PPARG: variants seen among roughly 807,000 people sequenced by gnomAD.
PPARG encodes the protein peroxisome proliferator activated receptor gamma, also known as peroxisome proliferator-activated receptor gamma.
Under a neutral mutation model 39.2 loss-of-function variants are expected in PPARG, and 17 were observed. The observed-to-expected ratio is 0.43, with a 90% CI of 0.30 to 0.65. PPARG has a LOEUF of 0.65. Ranked by LOEUF, PPARG falls within the 30% of genes least tolerant of loss-of-function variation. The pLI is 0.13. For synonymous variants in PPARG, 223 were observed against 215.7 expected, an observed-to-expected ratio of 1.03 and a Z score of -0.30; for missense variants, 406 against 585.9, an observed-to-expected ratio of 0.69 and a Z score of 3.17.
chr3:12,291,097 C>T (rs1231882426), intron 1 of PPARG, among the ~76,000 whole-genome samples: 2 of 152,086 alleles, frequency 1.3e-5, no homozygotes, highest in Non-Finnish European at 2.9e-5. Flanking sequence ...TCATAGGATT[C>T]CACTAAATAA....
At chr3:12,413,874 T>G (rs1266088029) in intron 6 of PPARG, among the ~76,000 whole-genome samples, 1 of 151,424 alleles carries the variant, frequency 6.6e-6, no homozygotes, top group Non-Finnish European at 1.5e-5. Flanking sequence ...TGCTGATTCC[T>G]CTCTCTGTCC....
Position 12,381,228 on chromosome 3 carries a change from T to C in PPARG, c.221-94T>C, listed in dbSNP as rs907234412. The C allele has an allele frequency of 8.3e-6, 10 of 1,211,250 alleles. No homozygotes were observed. The African/African-American group carries it at 1.2e-4, about 15-fold the overall frequency. 75.0% of individuals were successfully genotyped at this position (1,211,250 alleles called of 1,614,324 possible). A position where few individuals can be genotyped will look rare whatever the true frequency, so the allele number is the denominator to read the frequency against. ...TGCTTTTACACTGAAACAATACAAA[T>C]ACAGCATGAAGGTGTACTATGGTGG... On this transcript the variant is annotated intron_variant, in intron 3 of 7. Coordinates refer to ENST00000651735, the MANE Select transcript of PPARG (RefSeq NM_138711.6).
At chr3:12,430,816 G>T (rs190365122) in intron 7 of PPARG, among the ~76,000 whole-genome samples, 199 of 152,272 alleles carry the variant, frequency 1.3e-3, no homozygotes, top group Middle Eastern at 6.8e-3. Context: ...TCAATAAGAA[G>T]AGTGAAGGGA....
intron 2 of PPARG, among the ~76,000 whole-genome samples, chr3:12,336,733 C>A (rs1046993537): frequency 6.6e-6 from 1 of 152,058 alleles, no homozygotes; most frequent in African/African-American, 2.4e-5. Context: ...TTATGAGCAA[C>A]TGATTATTTA....
intron 4 of PPARG, among the ~76,000 whole-genome samples, chr3:12,384,321 A>T (rs1369852077): frequency 6.6e-6 from 1 of 152,146 alleles, no homozygotes; most frequent in Non-Finnish European, 1.5e-5. Flanking sequence ...ATAAATATTT[A>T]CCTTATAAAA....
At chr3:12,344,986 A>G (rs2048286205) in intron 2 of PPARG, 1 of 152,198 alleles carries the variant, frequency 6.6e-6, no homozygotes, top group Non-Finnish European at 1.5e-5. Context: ...TTGAAACCCT[A>G]TTCAATAGTT....
At chr3:12,318,490 G>C (rs2047448884) in intron 2 of PPARG, among the ~76,000 whole-genome samples, 1 of 152,062 alleles carries the variant, frequency 6.6e-6, no homozygotes, top group South Asian at 2.1e-4. Flanking sequence ...TAAATTTGTG[G>C]TTTGAATATT....
intron 4 of PPARG, among the ~76,000 whole-genome samples, chr3:12,387,893 A>G (rs1055111380): frequency 6.7e-6 from 1 of 149,762 alleles, no homozygotes; most frequent in African/African-American, 2.5e-5. Context: ...TTAATTTTGT[A>G]TATGGTGTAA....
At chr3:12,352,067 T>G (rs1243520651) in intron 2 of PPARG, among the ~76,000 whole-genome samples, 1 of 152,212 alleles carries the variant, frequency 6.6e-6, no homozygotes, top group Non-Finnish European at 1.5e-5. Flanking sequence ...CTCTCATAAC[T>G]GTTTTTATCC....
Position 12,361,844 on chromosome 3 carries a change from A to G in PPARG, c.-8-17860A>G, listed in dbSNP as rs1051314403. ...TTTCCTTATAAATTTTAGACTCAGC[A>G]TATCAATTACCACACAAAAGTGCCG... On this transcript the variant is annotated intron_variant, in intron 2 of 7. Transcript: ENST00000651735. Among the ~76,000 whole-genome samples the G allele has an allele frequency of 3.3e-5, 5 of 152,322 alleles. No individual in the cohort carries two copies. The East Asian group carries it at 5.8e-4, about 18-fold the overall frequency.
chr3:12,294,800 G>A (rs2046736029), intron 1 of PPARG, among the ~76,000 whole-genome samples: 1 of 152,174 alleles, frequency 6.6e-6, no homozygotes, highest in Non-Finnish European at 1.5e-5. Flanking sequence ...GGCTGAGGCA[G>A]GAGAATCGGT....
intron 1 of PPARG, among the ~76,000 whole-genome samples, chr3:12,307,838 A>G (rs1003576880): frequency 1.3e-5 from 2 of 152,208 alleles, no homozygotes; most frequent in Admixed American, 6.5e-5. Flanking sequence ...GCAGAGAATG[A>G]GGAGTTGTCC....
intron 2 of PPARG, among the ~76,000 whole-genome samples, chr3:12,374,460 A>G (rs926806803): frequency 1.3e-5 from 2 of 152,036 alleles, no homozygotes; most frequent in Non-Finnish European, 2.9e-5. Flanking sequence ...TTAGCAGGGC[A>G]TGGTGGCACA....
intron 2 of PPARG, among the ~76,000 whole-genome samples, chr3:12,368,083 G>A (rs572715998): frequency 6.6e-6 from 1 of 151,940 alleles, no homozygotes; most frequent in Admixed American, 6.6e-5. Context: ...TTTGAATATA[G>A]TCTAAGTAGA....
At chr3:12,377,137 T>G (rs1425471633) in intron 2 of PPARG, among the ~76,000 whole-genome samples, 2 of 152,186 alleles carry the variant, frequency 1.3e-5, no homozygotes, top group South Asian at 4.1e-4. Flanking sequence ...CAAAAGAGTT[T>G]TGTTGCACTT....
chr3:12,391,071 G>C (rs1385102455), intron 4 of PPARG, among the ~76,000 whole-genome samples: 2 of 152,166 alleles, frequency 1.3e-5, no homozygotes, highest in African/African-American at 2.4e-5. Context: ...TACCAGAGAT[G>C]GAAGTGCTTT....
chr3:12,380,563 C>T (rs958286984), intron 3 of PPARG, among the ~76,000 whole-genome samples: 1 of 152,156 alleles, frequency 6.6e-6, no homozygotes, highest in Non-Finnish European at 1.5e-5. Flanking sequence ...TGTGGGCTGA[C>T]ATGCTGGTTT....
At chr3:12,301,303 A>C (rs1447543420) in intron 1 of PPARG, among the ~76,000 whole-genome samples, 3 of 152,236 alleles carry the variant, frequency 2.0e-5, no homozygotes, top group Non-Finnish European at 4.4e-5. Flanking sequence ...AGAAAGGTTT[A>C]CAATAATGCC....
intron 1 of PPARG, among the ~76,000 whole-genome samples, chr3:12,295,811 G>T (rs1364538878): frequency 1.3e-5 from 2 of 152,062 alleles, no homozygotes; most frequent in African/African-American, 4.8e-5. Flanking sequence ...CACCGTGCCT[G>T]GCAAAGAAGG....
Sources: gnomAD v4.1 joint callset for allele counts (sites outside exome capture counted in the v4.1 genomes callset) on GRCh38, gnomAD v4.1.1 for gene constraint, MANE v1.5 for transcripts, NCBI Gene and HGNC (gene_info 2026-07-23, HGNC 2026-07-21) for gene names.